Variants in CFAP20DC observed in about 807,000 individuals in gnomAD.
CFAP20DC encodes the protein protein CFAP20DC.
In CFAP20DC, 84 loss-of-function variants were observed where a neutral mutation model predicts 101.7. The observed-to-expected ratio is 0.83, with a 90% CI of 0.69 to 0.99. CFAP20DC has a LOEUF of 0.99. CFAP20DC is among the 50% of genes least tolerant of loss of function. The probability of loss-of-function intolerance (pLI) is 0.00; values close to 1 mark genes in which losing one functional copy is unlikely to be tolerated. For synonymous variants in CFAP20DC, 359 were observed against 351.2 expected, an observed-to-expected ratio of 1.02 and a Z score of -0.25; for missense variants, 1,007 against 970.3, an observed-to-expected ratio of 1.04 and a Z score of -0.50.
At chr3:58,743,518 G>A (rs1467338758) in intron 16 of CFAP20DC, among the ~76,000 whole-genome samples, 1 of 152,094 alleles carries the variant, frequency 6.6e-6, no homozygotes, top group Admixed American at 6.5e-5. Flanking sequence ...ATTAAAGACC[G>A]AAACCAAACC....
At chr3:58,809,005 G>C (rs1016158464) in intron 14 of CFAP20DC, among the ~76,000 whole-genome samples, 2 of 151,924 alleles carry the variant, frequency 1.3e-5, no homozygotes, top group African/African-American at 2.4e-5. Flanking sequence ...AATTCAACAA[G>C]AAGAGCTAAC....
At chr3:58,761,884 G>T (rs946330974) in intron 15 of CFAP20DC, among the ~76,000 whole-genome samples, 4 of 152,114 alleles carry the variant, frequency 2.6e-5, no homozygotes, top group Non-Finnish European at 5.9e-5. Flanking sequence ...TAGTTTGATT[G>T]CACTGTGGTC....
intron 14 of CFAP20DC, among the ~76,000 whole-genome samples, chr3:58,809,583 G>A (rs2074424775): frequency 6.6e-6 from 1 of 151,900 alleles, no homozygotes; most frequent in African/African-American, 2.4e-5. Context: ...AGCACTAAAT[G>A]CCCACAAGAG....
At chr3:58,806,521 T>G in intron 14 of CFAP20DC, 65 bp from the exon 15 acceptor site, 2 of 1,134,312 alleles carry the variant, frequency 1.8e-6, no homozygotes, top group Admixed American at 1.7e-5. Flanking sequence ...GACATTCACA[T>G]GCACTCTCAT....
intron 4 of CFAP20DC, among the ~76,000 whole-genome samples, chr3:58,943,088 G>C (rs916875263): frequency 3.3e-5 from 5 of 152,218 alleles, no homozygotes; most frequent in Non-Finnish European, 5.9e-5. Flanking sequence ...GGCACTTATA[G>C]ATAAAATTCC....
intron 16 of CFAP20DC, among the ~76,000 whole-genome samples, chr3:58,752,145 T>C (rs963234417): frequency 2.0e-5 from 3 of 152,164 alleles, no homozygotes; most frequent in Admixed American, 6.5e-5. Context: ...TAACATGCCA[T>C]TAACCAAATA....
chr3:58,973,633 G>A (rs1392985705), intron 4 of CFAP20DC, among the ~76,000 whole-genome samples: 2 of 152,182 alleles, frequency 1.3e-5, no homozygotes, highest in East Asian at 3.9e-4. Flanking sequence ...CTCACCAGGT[G>A]TCATTCTCTA....
intron 12 of CFAP20DC, chr3:58,862,330 G>C: frequency 3.0e-6 from 3 of 985,422 alleles, no homozygotes; most frequent in Non-Finnish European, 3.6e-6. Context: ...ATTAGGTGCT[G>C]AAGACAAATG....
At chr3:58,753,024 C>A (rs546109546) in intron 16 of CFAP20DC, among the ~76,000 whole-genome samples, 1 of 152,248 alleles carries the variant, frequency 6.6e-6, no homozygotes, top group African/African-American at 2.4e-5. Flanking sequence ...CATGCCTCTG[C>A]CATCTCAACT....
At chr3:58,973,030 T>C (rs1205255457) in intron 4 of CFAP20DC, among the ~76,000 whole-genome samples, 1 of 152,194 alleles carries the variant, frequency 6.6e-6, no homozygotes, top group East Asian at 1.9e-4. Flanking sequence ...AAATATGCAT[T>C]CAAATTGTTT....
intron 6 of CFAP20DC, among the ~76,000 whole-genome samples, chr3:58,888,027 C>G (rs9311689): frequency 0.1 from 15,295 of 152,182 alleles, 2,542 homozygotes; most frequent in African/African-American, 0.35. Context: ...TGGATGTTCT[C>G]TAGCACTAAA....
intron 4 of CFAP20DC, among the ~76,000 whole-genome samples, chr3:58,987,026 G>T (rs979640005): frequency 6.6e-5 from 10 of 151,938 alleles, no homozygotes; most frequent in Admixed American, 1.3e-4. Flanking sequence ...GCCAAATAGG[G>T]TTCTAGAAAT....
At chr3:59,009,694 A>G in intron 4 of CFAP20DC, among the ~76,000 whole-genome samples, 1 of 152,204 alleles carries the variant, frequency 6.6e-6, no homozygotes, top group East Asian at 1.9e-4. Flanking sequence ...TCAGAGACCT[A>G]GACTACCAAA....
intron 3 of CFAP20DC, 86 bp downstream of exon 3, chr3:59,046,143 G>T (rs1699842574): frequency 2.2e-6 from 2 of 890,414 alleles, no homozygotes; most frequent in South Asian, 1.5e-5. Context: ...GTCAGTAGAA[G>T]TCATACTAAT....
At position 58,730,018 on chromosome 3, in the gene CFAP20DC, C is replaced by CAA. The variant is rs769033730; in HGVS notation, c.198-12392_198-12391dup. Among the ~76,000 whole-genome samples, 169 of 53,382 alleles carry CAA rather than the reference C, an allele frequency of 3.2e-3. 1 individual carries two copies. Among genetic ancestry groups the CAA allele is most frequent in the Middle Eastern group, 0.011 (1 of 90 alleles). The allele number at this position is 53,382 out of a possible 152,430, so 35.0% of individuals were successfully genotyped here. A position where few individuals can be genotyped will look rare whatever the true frequency, so the allele number is the denominator to read the frequency against. On this transcript the variant is annotated intron_variant, in intron 3 of 3. Coordinates refer to the CFAP20DC transcript ENST00000486145. ...GGGCAATGAGAGCGAAACCTGTCTC[C>CAA]AAAAAAAAAAAAAAAAAAAAAGAAA...
chr3:58,761,187 C>G (rs1218854881), intron 15 of CFAP20DC, among the ~76,000 whole-genome samples: 1 of 152,176 alleles, frequency 6.6e-6, no homozygotes, highest in Non-Finnish European at 1.5e-5. Context: ...GGTTGGTAAG[C>G]TATTAATTAT....
At chr3:59,012,985 A>G (rs1157035702) in intron 4 of CFAP20DC, among the ~76,000 whole-genome samples, 3 of 152,210 alleles carry the variant, frequency 2.0e-5, no homozygotes, top group African/African-American at 7.2e-5. Flanking sequence ...CTGTTTTAAA[A>G]GAACGCATAA....
At chr3:58,929,534 T>TTAACTCCAG (rs2086355735) in intron 5 of CFAP20DC, among the ~76,000 whole-genome samples, 1 of 152,218 alleles carries the variant, frequency 6.6e-6, no homozygotes, top group Non-Finnish European at 1.5e-5. Flanking sequence ...TCTTAAATGG[T>TTAACTCCAG]TTAACTTCAA....
chr3:58,806,062 A>G (rs2074030114), intron 15 of CFAP20DC, among the ~76,000 whole-genome samples: 1 of 152,242 alleles, frequency 6.6e-6, no homozygotes, highest in African/African-American at 2.4e-5. Context: ...ATTAACACTT[A>G]GTGAGAACTT....
Sources: gnomAD v4.1 joint callset for allele counts (sites outside exome capture counted in the v4.1 genomes callset) on GRCh38, gnomAD v4.1.1 for gene constraint, MANE v1.5 for transcripts, NCBI Gene and HGNC (gene_info 2026-07-23, HGNC 2026-07-21) for gene names.